The following PTPN1 variants were observed in gnomAD, a reference collection of about 807,000 sequenced individuals.
The protein encoded by PTPN1 is protein tyrosine phosphatase non-receptor type 1, also known as tyrosine-protein phosphatase non-receptor type 1.
In PTPN1, 12 loss-of-function variants were observed where a neutral mutation model predicts 59.9. The ratio of observed to expected loss-of-function variants is 0.20; its 90% CI spans 0.13 to 0.32. The LOEUF is 0.32. Ranked by LOEUF, PTPN1 falls within the 10% of genes least tolerant of loss-of-function variation. The pLI, the probability that PTPN1 is intolerant of heterozygous loss-of-function variation, is 1.00. For synonymous variants in PTPN1, 178 were observed against 203.6 expected, an observed-to-expected ratio of 0.87 and a Z score of 1.07; for missense variants, 356 against 549.2, an observed-to-expected ratio of 0.65 and a Z score of 3.52.
At chr20:50,545,006 A>G (rs2082668771) in intron 1 of PTPN1, among the ~76,000 whole-genome samples, 1 of 152,212 alleles carries the variant, frequency 6.6e-6, no homozygotes, top group Non-Finnish European at 1.5e-5. Context: ...TCAAAAAGTA[A>G]TAATAATCAT....
At chr20:50,518,513 C>T (rs2082538411) in intron 1 of PTPN1, among the ~76,000 whole-genome samples, 1 of 152,190 alleles carries the variant, frequency 6.6e-6, no homozygotes, top group Non-Finnish European at 1.5e-5. Context: ...TACGCCTTCA[C>T]TGAGTCATAA....
rs1348121407 is a variant in PTPN1 at position 50,579,287 on chromosome 20, G to C, written c.822G>C (p.Val274=). Reference sequence around the variant, plus strand: ...AGCTGCGCTTCTCCTACCTGGCTGTGATCGAAGGTGCCAAATTCATCATGG... The same window carrying C: ...AGCTGCGCTTCTCCTACCTGGCTGTCATCGAAGGTGCCAAATTCATCATGG... ...ADQLRFSYLA[V]IEGAKFIMGD... Residue 274 remains valine, a synonymous_variant, in exon 7 of 10, where the codon GTG becomes GTC. Transcript: ENST00000371621. 1 of 1,614,244 alleles carries C rather than the reference G, an allele frequency of 6.2e-7. No homozygotes were observed. The highest frequency in any genetic ancestry group is 2.2e-5 in the East Asian group (1 of 44,882).
chr20:50,545,848 T>TC (rs930232846), intron 1 of PTPN1, among the ~76,000 whole-genome samples: 2 of 83,700 alleles, frequency 2.4e-5, no homozygotes, highest in African/African-American at 4.4e-5. Flanking sequence ...AGACCCCCCC[T>TC]CCCCCCGTCT....
At chr20:50,542,230 G>A (rs1340733396) in intron 1 of PTPN1, among the ~76,000 whole-genome samples, 1 of 152,176 alleles carries the variant, frequency 6.6e-6, no homozygotes, top group Non-Finnish European at 1.5e-5. Context: ...CTTTAAAAGA[G>A]TTTTACAATT....
intron 1 of PTPN1, among the ~76,000 whole-genome samples, chr20:50,544,032 G>T (rs530086447): frequency 6.6e-6 from 1 of 152,202 alleles, no homozygotes; most frequent in African/African-American, 2.4e-5. Flanking sequence ...TTTTAGTAGA[G>T]ACAGGGTTTC....
intron 7 of PTPN1, 93 bp from the exon 8 acceptor site, chr20:50,579,610 C>A: frequency 8.5e-7 from 1 of 1,171,404 alleles, no homozygotes; most frequent in Non-Finnish European, 1.2e-6. Flanking sequence ...GAGAGCCCCT[C>A]GCCAAGCCGT....
At chr20:50,515,370 G>T (rs965532785) in intron 1 of PTPN1, among the ~76,000 whole-genome samples, 2 of 152,104 alleles carry the variant, frequency 1.3e-5, no homozygotes, top group Non-Finnish European at 2.9e-5. Context: ...CCAGAGTTTT[G>T]TTCCGTCACC....
intron 2 of PTPN1, among the ~76,000 whole-genome samples, chr20:50,564,573 G>A (rs1043392284): frequency 5.9e-5 from 9 of 152,098 alleles, no homozygotes; most frequent in Non-Finnish European, 1.0e-4. Flanking sequence ...CAGCCTGGGT[G>A]ACAGAGTGAG....
At position 50,554,380 on chromosome 20, in the gene PTPN1, A is replaced by ATCTCTCTCTCTCTCTCTC. The variant is rs1555829975; in HGVS notation, c.64-6972_64-6955dup. 9.1e-4 allele frequency among the ~76,000 whole-genome samples: 128 copies of ATCTCTCTCTCTCTCTCTC among 140,272 alleles called. 1 individual carries two copies. Among genetic ancestry groups the ATCTCTCTCTCTCTCTCTC allele is most frequent in the East Asian group, 8.4e-3 (39 of 4,622 alleles). The allele number at this position is 140,272 out of a possible 152,430, so 92.0% of individuals were successfully genotyped here. Reference sequence around the variant, plus strand: ...CCAGCCTAGGCAACAGCAAGACCACATCTCTCTCTCTCTCTCTCTCTCTCT... The same window carrying ATCTCTCTCTCTCTCTCTC: ...CCAGCCTAGGCAACAGCAAGACCACATCTCTCTCTCTCTCTCTCTCTCTCTCTCTCTCTCTCTCTCTCT... On this transcript the variant is annotated intron_variant, in intron 1 of 9. Coordinates refer to ENST00000371621, the MANE Select transcript of PTPN1 (RefSeq NM_002827.4).
At position 50,582,063 on chromosome 20, in the gene PTPN1, TAAG is replaced by T. The variant is rs1568799927; in HGVS notation, c.1284+609_1284+611del. On this transcript the variant is annotated intron_variant, in intron 9 of 9. Coordinates refer to ENST00000371621, the MANE Select transcript of PTPN1 (RefSeq NM_002827.4). The surrounding 1 kb of genome is among the most constrained non-coding windows in gnomAD (Gnocchi z 4.2). The stretch of plus-strand genomic sequence containing the variant: ...ACAGGGTCTTTGAGCTTTCCCACTA[TAAG>T]AAGAACAGCAACAAAAGGCCGTCTA... 6.6e-6 allele frequency among the ~76,000 whole-genome samples: 1 copy of T among 152,214 alleles called. No homozygotes were observed. Among genetic ancestry groups the T allele is most frequent in the Non-Finnish European group, 1.5e-5 (1 of 68,030 alleles).
intron 1 of PTPN1, among the ~76,000 whole-genome samples, chr20:50,556,741 A>T (rs2082727739): frequency 6.6e-6 from 1 of 152,156 alleles, no homozygotes; most frequent in South Asian, 2.1e-4. Flanking sequence ...GATCACCTGA[A>T]GTCAGGAGTT....
rs372833681 is a variant in PTPN1, at chr20:50,511,620, T to G, written c.63+1030T>G. Among the ~76,000 whole-genome samples, 27 of 152,310 alleles carry G rather than the reference T, an allele frequency of 1.8e-4. No homozygotes were observed. In the South Asian group the frequency reaches 5.4e-3, roughly 30 times the overall value. On this transcript the variant is annotated intron_variant, in intron 1 of 9. Coordinates refer to ENST00000371621, the MANE Select transcript of PTPN1 (RefSeq NM_002827.4). ...GTCATCTCCTTGTGTGTTAAAAAGT[T>G]AGGAAAGGAGGGTTTCTCATATATC... is the stretch of plus-strand genomic sequence containing the variant.
At position 50,583,446 on chromosome 20, in the gene PTPN1, CCT is replaced by C. The variant is rs1356407883; in HGVS notation, c.*732_*733del. Reference sequence around the variant, plus strand: ...TTACTTTGTCCCGCTTATTCTCCTCCCTGTTATCTGCTAGATCTAGTTCTCAA... The same window carrying C: ...TTACTTTGTCCCGCTTATTCTCCTCCGTTATCTGCTAGATCTAGTTCTCAA... On this transcript the variant is annotated 3_prime_UTR_variant, in exon 10 of 10. Coordinates refer to ENST00000371621, the MANE Select transcript of PTPN1 (RefSeq NM_002827.4). 3.3e-5 allele frequency: 5 copies of C among 152,246 alleles called. No homozygotes were observed. Among genetic ancestry groups the C allele is most frequent in the Admixed American group, 6.5e-5 (1 of 15,286 alleles). The allele number at this position is 152,246 out of a possible 1,614,324, so 9.4% of individuals were successfully genotyped here.
At chr20:50,541,811 A>G (rs2082654070) in intron 1 of PTPN1, among the ~76,000 whole-genome samples, 1 of 152,088 alleles carries the variant, frequency 6.6e-6, no homozygotes, top group Non-Finnish European at 1.5e-5. Context: ...ATGATTTATT[A>G]CCACCCATTG....
chr20:50,554,378 A>G (rs1194301526), intron 1 of PTPN1, among the ~76,000 whole-genome samples: 1 of 41,670 alleles, frequency 2.4e-5, no homozygotes, highest in African/African-American at 8.8e-5. Context: ...CAGCAAGACC[A>G]CATCTCTCTC....
intron 1 of PTPN1, among the ~76,000 whole-genome samples, chr20:50,522,997 C>T (rs546117052): frequency 6.9e-4 from 104 of 151,658 alleles, no homozygotes; most frequent in Non-Finnish European, 9.7e-4. Flanking sequence ...AACTCCTGAC[C>T]TCAGGTGATC....
chr20:50,515,545 G>A (rs1303225172), intron 1 of PTPN1, among the ~76,000 whole-genome samples: 1 of 152,112 alleles, frequency 6.6e-6, no homozygotes, highest in African/African-American at 2.4e-5. Flanking sequence ...TCCTGCCTTG[G>A]CCTCCCAGAG....
intron 3 of PTPN1, among the ~76,000 whole-genome samples, chr20:50,567,115 G>T (rs2082782813): frequency 6.6e-6 from 1 of 152,188 alleles, no homozygotes; most frequent in South Asian, 2.1e-4. Context: ...GGGACTTAAA[G>T]GGAGAAGATT....
chr20:50,539,193 C>T (rs1178383907), intron 1 of PTPN1, among the ~76,000 whole-genome samples: 1 of 150,036 alleles, frequency 6.7e-6, no homozygotes, highest in Non-Finnish European at 1.5e-5. Context: ...GTGCCACCAC[C>T]CCTGGCAAAT....
Sources: gnomAD v4.1 joint callset for allele counts (sites outside exome capture counted in the v4.1 genomes callset) on GRCh38, gnomAD v4.1.1 for gene constraint, Gnocchi (gnomAD v3.1) non-coding constraint, MANE v1.5 for transcripts, NCBI Gene and HGNC (gene_info 2026-07-23, HGNC 2026-07-21) for gene names.